The following FGD4 variants were observed in gnomAD, a reference collection of about 807,000 sequenced individuals.
FGD4 encodes the protein FYVE, RhoGEF and PH domain-containing protein 4.
A neutral mutation model predicts 102.0 loss-of-function variants in FGD4; 42 were observed. That is an observed-to-expected ratio of 0.41 (90% CI 0.32 to 0.53). FGD4 has a LOEUF of 0.53. Among genes scored for constraint, FGD4 ranks in the 20% least tolerant of loss-of-function variants. The probability of loss-of-function intolerance (pLI) is 0.21; values close to 1 mark genes in which losing one functional copy is unlikely to be tolerated. For synonymous variants in FGD4, 380 were observed against 375.7 expected, an observed-to-expected ratio of 1.01 and a Z score of -0.13; for missense variants, 902 against 1,078.2, an observed-to-expected ratio of 0.84 and a Z score of 2.29.
At position 32,625,788 on chromosome 12, in the gene FGD4, G is replaced by T; in HGVS notation, c.2172+9G>T. The T allele has an allele frequency of 6.2e-7, 1 of 1,613,830 alleles. No homozygotes were observed. The highest frequency in any genetic ancestry group is 8.5e-7 in the Non-Finnish European group (1 of 1,179,860). On this transcript the variant is annotated intron_variant, in intron 14 of 16. Transcript: ENST00000534526. ...GTCGAGCATGTGGATATGTAAGTGA[G>T]ATTTCTTGATCATTAAGGTTGCTAG...
In FGD4 at chr12:32,645,338, A is replaced by G. The variant is rs766215402; in HGVS notation, c.*4805A>G. The G allele has an allele frequency of 2.6e-5, 4 of 151,922 alleles. No homozygotes were observed. The highest frequency in any genetic ancestry group is 7.3e-5 in the African/African-American group (3 of 41,352). The allele number at this position is 151,922 out of a possible 1,614,324, so 9.4% of individuals were successfully genotyped here. A position where few individuals can be genotyped will look rare whatever the true frequency, so the allele number is the denominator to read the frequency against. On this transcript the variant is annotated 3_prime_UTR_variant, in exon 17 of 17. Transcript: ENST00000534526. ...CTAGCATTTCATTTTGTGAGTGACA[A>G]TTGACATTTTAAAATAAGCATAGGC... is the stretch of plus-strand genomic sequence containing the variant.
intron 1 of FGD4, among the ~76,000 whole-genome samples, chr12:32,508,920 G>A (rs901719541): frequency 1.8e-4 from 28 of 152,320 alleles, no homozygotes; most frequent in African/African-American, 5.8e-4. Context: ...GGGTGCGTGC[G>A]CACACACTAT....
chr12:32,456,985 A>G (rs1942964284), intron 1 of FGD4, among the ~76,000 whole-genome samples: 2 of 152,178 alleles, frequency 1.3e-5, no homozygotes, highest in Admixed American at 6.6e-5. Context: ...TGACAGGATG[A>G]TATTTGGGAC....
intron 5 of FGD4, among the ~76,000 whole-genome samples, chr12:32,599,270 G>T (rs1041952823): frequency 6.6e-6 from 1 of 150,670 alleles, no homozygotes; most frequent in African/African-American, 2.5e-5. Flanking sequence ...CGAGGCGGGC[G>T]GATCACGAGG....
intron 1 of FGD4, among the ~76,000 whole-genome samples, chr12:32,477,008 G>T (rs1054150442): frequency 5.9e-5 from 9 of 152,178 alleles, no homozygotes; most frequent in African/African-American, 2.2e-4. Context: ...TGAAGATCTG[G>T]CCAGGTGCGT....
chr12:32,549,444 G>A (rs955829465), intron 1 of FGD4, among the ~76,000 whole-genome samples: 4 of 152,030 alleles, frequency 2.6e-5, no homozygotes, highest in South Asian at 2.1e-4. Flanking sequence ...CCTTCCATCC[G>A]AATCACTTGG....
intron 1 of FGD4, among the ~76,000 whole-genome samples, chr12:32,458,039 T>C (rs923364276): frequency 5.9e-5 from 9 of 152,142 alleles, no homozygotes; most frequent in Admixed American, 4.6e-4. Flanking sequence ...ATTTCTCTGC[T>C]TGGGAGTACG....
chr12:32,464,192 G>A (rs1189862351), intron 1 of FGD4, among the ~76,000 whole-genome samples: 1 of 152,006 alleles, frequency 6.6e-6, no homozygotes, highest in African/African-American at 2.4e-5. Context: ...TCACTCTGTC[G>A]CCAAGGCTAG....
intron 2 of FGD4, among the ~76,000 whole-genome samples, chr12:32,568,357 C>G (rs1945356752): frequency 6.6e-6 from 1 of 152,118 alleles, no homozygotes; most frequent in Non-Finnish European, 1.5e-5. Context: ...CAGAAAATAC[C>G]CTAAGGCCTT....
chr12:32,491,145 AAAAAAC>A (rs1410649353), intron 1 of FGD4, among the ~76,000 whole-genome samples: 7 of 150,906 alleles, frequency 4.6e-5, no homozygotes, highest in East Asian at 1.9e-4. Flanking sequence ...AAAAAAAAAA[AAAAAAC>A]AAAAAACTAT....
At chr12:32,472,718 C>T (rs61927222) in intron 1 of FGD4, among the ~76,000 whole-genome samples, 16,790 of 152,256 alleles carry the variant, frequency 0.11, 1,008 homozygotes, top group Middle Eastern at 0.29. Context: ...CCTGCAGCCC[C>T]GGTGCGGGAT....
chr12:32,462,231 A>G (rs1943123466), intron 1 of FGD4, among the ~76,000 whole-genome samples: 1 of 151,702 alleles, frequency 6.6e-6, no homozygotes, highest in Non-Finnish European at 1.5e-5. Flanking sequence ...ACCTCAGCTC[A>G]CTGCAACCTC....
At chr12:32,600,592 C>CTTTCTTTCT in intron 5 of FGD4, 1 of 195,572 alleles carries the variant, frequency 5.1e-6, no homozygotes, top group South Asian at 9.9e-5. Flanking sequence ...TTCTTTCTTT[C>CTTTCTTTCT]TTTTTTTTTT....
chr12:32,571,135 G>C (rs895277723), intron 2 of FGD4, among the ~76,000 whole-genome samples: 4 of 152,182 alleles, frequency 2.6e-5, no homozygotes, highest in African/African-American at 9.7e-5. Context: ...ATATGAATTT[G>C]TTTTATGAAA....
At chr12:32,560,420 G>GT (rs201959013) in intron 1 of FGD4, among the ~76,000 whole-genome samples, 1 of 151,880 alleles carries the variant, frequency 6.6e-6, no homozygotes, top group Non-Finnish European at 1.5e-5. Context: ...CCCAGTTAAT[G>GT]TTTTTTGTAT....
At chr12:32,478,977 A>C (rs1313511309) in intron 1 of FGD4, among the ~76,000 whole-genome samples, 8 of 152,196 alleles carry the variant, frequency 5.3e-5, no homozygotes, top group Admixed American at 1.3e-4. Flanking sequence ...TGGTTTCTAG[A>C]GATTATTTAC....
At chr12:32,625,323 G>A (rs959447711) in intron 13 of FGD4, among the ~76,000 whole-genome samples, 3 of 144,084 alleles carry the variant, frequency 2.1e-5, no homozygotes, top group Non-Finnish European at 3.0e-5. Flanking sequence ...AAGCTGGAGT[G>A]CAGTGACACA....
At chr12:32,547,082 G>A (rs894877919) in intron 1 of FGD4, among the ~76,000 whole-genome samples, 1 of 152,180 alleles carries the variant, frequency 6.6e-6, no homozygotes, top group Middle Eastern at 3.2e-3. Flanking sequence ...GAAAGCCAAA[G>A]AATCAATAGC....
At chr12:32,626,528 A>G (rs1251013056) in intron 14 of FGD4, among the ~76,000 whole-genome samples, 4 of 152,016 alleles carry the variant, frequency 2.6e-5, no homozygotes, top group African/African-American at 2.4e-5. Flanking sequence ...GTGAAAGTCT[A>G]TATGCAAAGA....
Sources: gnomAD v4.1 joint callset for allele counts (sites outside exome capture counted in the v4.1 genomes callset) on GRCh38, gnomAD v4.1.1 for gene constraint, MANE v1.5 for transcripts, NCBI Gene and HGNC (gene_info 2026-07-23, HGNC 2026-07-21) for gene names.